Variants in ZNF91 observed in about 807,000 individuals in gnomAD.
ZNF91 encodes zinc finger protein 91 (HPF7, HTF10).
ZNF91 carries 7 observed loss-of-function variants against 12.6 expected under a neutral mutation model. That is an observed-to-expected ratio of 0.55 (90% CI 0.31 to 1.04). ZNF91 has a LOEUF of 1.04. Ranked by LOEUF, ZNF91 falls within the 50% of genes least tolerant of loss-of-function variation. The pLI, the probability that ZNF91 is intolerant of heterozygous loss-of-function variation, is 0.05. For missense variants in ZNF91, 1,217 were observed against 1,385.4 expected (o/e 0.88, Z 1.93); for synonymous variants, 453 against 462.6 (o/e 0.98, Z 0.27).
At chr19:23,365,780 T>C (rs966431442) in intron 3 of ZNF91, among the ~76,000 whole-genome samples, 4 of 152,170 alleles carry the variant, frequency 2.6e-5, no homozygotes, top group Non-Finnish European at 4.4e-5. Flanking sequence ...TTAACGAGCA[T>C]GCTGCCTGCA....
At chr19:23,312,267 T>G (rs1022768540), upstream of ZNF91, among the ~76,000 whole-genome samples, 1 of 152,118 alleles carries the variant, frequency 6.6e-6, no homozygotes, top group Non-Finnish European at 1.5e-5. Flanking sequence ...CCTTACCCAA[T>G]TGTGGGACTG....
At chr19:23,368,490 G>A (rs1306803173) in intron 3 of ZNF91, among the ~76,000 whole-genome samples, 3 of 149,808 alleles carry the variant, frequency 2.0e-5, no homozygotes, top group Non-Finnish European at 4.4e-5. Flanking sequence ...ACTCCAGCCT[G>A]GGTGACAGAG....
chr19:23,393,089 AT>A (rs547840420), intron 1 of ZNF91, among the ~76,000 whole-genome samples: 1 of 149,586 alleles, frequency 6.7e-6, no homozygotes, highest in Non-Finnish European at 1.5e-5. Flanking sequence ...AGTGCTGGGT[AT>A]TTTTTTTCTA....
downstream of ZNF91, among the ~76,000 whole-genome samples, chr19:23,334,776 G>T (rs2145874619): frequency 6.6e-6 from 1 of 152,192 alleles, no homozygotes; most frequent in East Asian, 1.9e-4. Context: ...TTATTATAAT[G>T]GGGTTACCAA....
In ZNF91 at chr19:23,362,400, G is replaced by A. The variant is rs1271756622; in HGVS notation, c.579C>T (p.Ile193=). 1.9e-6 allele frequency: 3 copies of A among 1,613,986 alleles called. No individual in the cohort carries two copies. In the South Asian group the frequency reaches 3.3e-5, roughly 18 times the overall value. The change falls in exon 4 of 4, where the codon ATC becomes ATT. Residue 193 remains isoleucine (I), a synonymous_variant. Coordinates refer to ENST00000300619, the MANE Select transcript of ZNF91 (RefSeq NM_003430.4). The part of the protein sequence containing the change: ...KCKKCVKSFC[I]RLHKTQHKCV... Reference sequence around the variant, plus strand: ...ATTTATGTTGGGTTTTGTGTAAACGGATGCAAAATGACTTGACACATTTTT... The same window carrying A: ...ATTTATGTTGGGTTTTGTGTAAACGAATGCAAAATGACTTGACACATTTTT...
downstream of ZNF91, among the ~76,000 whole-genome samples, chr19:23,335,471 A>G (rs1253695279): frequency 6.6e-6 from 1 of 152,190 alleles, no homozygotes; most frequent in Non-Finnish European, 1.5e-5. Context: ...AGTGGGCTCC[A>G]ACCAATTCAA....
intron 1 of ZNF91, among the ~76,000 whole-genome samples, chr19:23,391,204 G>A (rs1334943397): frequency 1.3e-5 from 2 of 152,096 alleles, no homozygotes; most frequent in Non-Finnish European, 2.9e-5. Flanking sequence ...CACACAGCCA[G>A]AAAAACGCTT....
chr19:23,376,259 T>A (rs556071855), intron 1 of ZNF91, among the ~76,000 whole-genome samples: 1 of 152,350 alleles, frequency 6.6e-6, no homozygotes, highest in East Asian at 1.9e-4. Context: ...AGAACATTTT[T>A]AATATTGCAG....
intron 1 of ZNF91, among the ~76,000 whole-genome samples, chr19:23,332,805 T>C (rs1163356253): frequency 6.6e-6 from 1 of 152,176 alleles, no homozygotes; most frequent in East Asian, 1.9e-4. Context: ...GTCGTGTTAC[T>C]ACATGAACTG....
At chr19:23,305,240 T>C (rs1294759064) in intron 3 of ZNF91, 2 of 152,266 alleles carry the variant, frequency 1.3e-5, no homozygotes, top group Non-Finnish European at 1.5e-5. Flanking sequence ...TATATAAATA[T>C]ATCTATGTAA....
chr19:23,347,504 G>A (rs1407002626), intron 3 of ZNF91, among the ~76,000 whole-genome samples: 1 of 151,852 alleles, frequency 6.6e-6, no homozygotes, highest in Non-Finnish European at 1.5e-5. Context: ...GCCTGTCCTC[G>A]TTCTCTCCTC....
intron 1 of ZNF91, chr19:23,327,158 C>T (rs1040075605): frequency 1.3e-5 from 2 of 151,998 alleles, no homozygotes; most frequent in African/African-American, 4.8e-5. Flanking sequence ...AATGCAATAC[C>T]AGAAACCTAC....
upstream of ZNF91, among the ~76,000 whole-genome samples, chr19:23,311,404 T>C (rs1344946841): frequency 3.3e-5 from 5 of 152,298 alleles, no homozygotes; most frequent in South Asian, 8.3e-4. Flanking sequence ...CATTACGATA[T>C]ATTTTTTATG....
At chr19:23,314,242 C>T (rs1379404051), upstream of ZNF91, among the ~76,000 whole-genome samples, 2 of 152,100 alleles carry the variant, frequency 1.3e-5, no homozygotes, top group African/African-American at 4.8e-5. Context: ...ATTTCTGGAC[C>T]CATTATCTAT....
At chr19:23,316,880 C>A (rs1439279012) in intron 1 of ZNF91, among the ~76,000 whole-genome samples, 1 of 152,152 alleles carries the variant, frequency 6.6e-6, no homozygotes, top group Non-Finnish European at 1.5e-5. Flanking sequence ...TCTTACACTA[C>A]CATCCATTGG....
chr19:23,374,768 A>T lies in ZNF91; in HGVS notation c.31-4T>A. 1.2e-6 allele frequency: 2 copies of T among 1,609,212 alleles called. No homozygotes were observed. Among genetic ancestry groups the T allele is most frequent in the Non-Finnish European group, 8.5e-7 (1 of 1,177,300 alleles). On this transcript the variant is annotated splice_region_variant and splice_polypyrimidine_tract_variant and intron_variant, in intron 1 of 3. Coordinates refer to ENST00000300619, the MANE Select transcript of ZNF91 (RefSeq NM_003430.4). ...CATCCCTAAATGTCAACAGTCCCTG[A>T]AAAACACACACAAACACACATATTT...
chr19:23,347,513 TCTTTA>T (rs1041647507), intron 3 of ZNF91, among the ~76,000 whole-genome samples: 11 of 151,828 alleles, frequency 7.2e-5, no homozygotes, highest in Admixed American at 4.6e-4. Context: ...CGTTCTCTCC[TCTTTA>T]CTCTCCAGAA....
chr19:23,379,052 A>G (rs947360503), intron 1 of ZNF91, among the ~76,000 whole-genome samples: 1 of 152,192 alleles, frequency 6.6e-6, no homozygotes, highest in Non-Finnish European at 1.5e-5. Flanking sequence ...TAACCACTCT[A>G]GTCAGCCTGA....
chr19:23,343,580 T>C (rs569904531), intron 3 of ZNF91, among the ~76,000 whole-genome samples: 1 of 152,196 alleles, frequency 6.6e-6, no homozygotes, highest in Non-Finnish European at 1.5e-5. Context: ...TGAGTGCAGG[T>C]GCACAATTCT....
Sources: gnomAD v4.1 joint callset for allele counts (sites outside exome capture counted in the v4.1 genomes callset) on GRCh38, gnomAD v4.1.1 for gene constraint, MANE v1.5 for transcripts, NCBI Gene and HGNC (gene_info 2026-07-23, HGNC 2026-07-21) for gene names.